The following GALNT11 variants were observed in gnomAD, a reference collection of about 807,000 sequenced individuals.
GALNT11 encodes polypeptide N-acetylgalactosaminyltransferase 11.
A neutral mutation model predicts 72.7 loss-of-function variants in GALNT11; 47 were observed. That is an observed-to-expected ratio of 0.65 (90% CI 0.51 to 0.82). The LOEUF is 0.82. Ranked by LOEUF, GALNT11 falls within the 40% of genes least tolerant of loss-of-function variation. GALNT11 has a pLI of 0.00. For synonymous variants in GALNT11, 270 were observed against 286.6 expected, an observed-to-expected ratio of 0.94 and a Z score of 0.58; for missense variants, 677 against 778.4, an observed-to-expected ratio of 0.87 and a Z score of 1.55.
intron 1 of GALNT11, among the ~76,000 whole-genome samples, chr7:152,033,389 G>A (rs780450575): frequency 5.3e-5 from 8 of 152,078 alleles, no homozygotes; most frequent in Non-Finnish European, 1.2e-4. Context: ...CTCTGATCTC[G>A]CTTTTCCTTT....
chr7:152,042,808 T>C (rs2082928516), intron 1 of GALNT11, among the ~76,000 whole-genome samples: 1 of 152,180 alleles, frequency 6.6e-6, no homozygotes, highest in African/African-American at 2.4e-5. Flanking sequence ...TCCCAGGTTG[T>C]CCATCGGGCC....
At chr7:152,053,151 T>C (rs1271696794) in intron 1 of GALNT11, among the ~76,000 whole-genome samples, 1 of 152,238 alleles carries the variant, frequency 6.6e-6, no homozygotes, top group Admixed American at 6.5e-5. Flanking sequence ...TCCACACAGC[T>C]GCTAGAATTT....
At chr7:152,097,774 T>A (rs1483947303) in intron 2 of GALNT11, among the ~76,000 whole-genome samples, 1 of 152,214 alleles carries the variant, frequency 6.6e-6, no homozygotes, top group South Asian at 2.1e-4. Flanking sequence ...GTAGGGTTCC[T>A]TTATGTGAAA....
chr7:152,047,867 A>G (rs748691555), intron 1 of GALNT11, among the ~76,000 whole-genome samples: 58 of 151,906 alleles, frequency 3.8e-4, no homozygotes, highest in Non-Finnish European at 6.0e-4. Flanking sequence ...CTATGACCTG[A>G]AAACTTGTTG....
Position 152,094,627 on chromosome 7 carries a change from C to A in GALNT11, c.295+105C>A. On this transcript the variant is annotated intron_variant, in intron 2 of 11. Coordinates refer to ENST00000430044, the MANE Select transcript of GALNT11 (RefSeq NM_022087.4). The surrounding 1 kb of genome is among the most constrained non-coding windows in gnomAD (Gnocchi z 4.3). ...CAGAAATGCTGCATCATTTTTTCCCCACTGATTTATTTTGTTTGTGAACTA... is the reference window on the plus strand; with the variant it reads ...CAGAAATGCTGCATCATTTTTTCCCAACTGATTTATTTTGTTTGTGAACTA... 2.3e-6 allele frequency: 3 copies of A among 1,302,084 alleles called. No individual in the cohort carries two copies. Among genetic ancestry groups the A allele is most frequent in the African/African-American group, 1.5e-5 (1 of 66,852 alleles). 80.7% of individuals were successfully genotyped at this position (1,302,084 alleles called of 1,614,324 possible). A position where few individuals can be genotyped will look rare whatever the true frequency, so the allele number is the denominator to read the frequency against.
Position 152,103,349 on chromosome 7 carries a change from C to G in GALNT11, c.586+71C>G, listed in dbSNP as rs769842959. 3.3e-6 allele frequency: 5 copies of G among 1,497,926 alleles called. No homozygotes were observed. The South Asian group carries it at 3.6e-5, about 11-fold the overall frequency. The allele number at this position is 1,497,926 out of a possible 1,614,324, so 92.8% of individuals were successfully genotyped here. On this transcript the variant is annotated intron_variant, in intron 4 of 11. Transcript: ENST00000430044. ...ACTACAGCACTGACAAACACTAACA[C>G]AGCTGAACTTTCAAGTACGTGGTAG...
rs1446687125 is a variant in GALNT11, at chr7:152,107,974, C to T, written c.713-64C>T. On this transcript the variant is annotated intron_variant, in intron 5 of 11. Transcript: ENST00000430044. ...TGTGTCAGCGCGTCATCCCATTGGACGGGTGGTTGTACCTAAATTGAGTGT... is the reference window on the plus strand; with the variant it reads ...TGTGTCAGCGCGTCATCCCATTGGATGGGTGGTTGTACCTAAATTGAGTGT... 47 of 1,544,620 alleles carry T rather than the reference C, an allele frequency of 3.0e-5. No homozygotes were observed. In the East Asian group the frequency reaches 4.8e-4, roughly 16 times the overall value.
At chr7:152,101,065 T>C (rs1027153834) in intron 3 of GALNT11, 144 bp downstream of exon 3, 1 of 1,113,080 alleles carries the variant, frequency 9.0e-7, no homozygotes, top group African/African-American at 1.6e-5. Context: ...AGATTTCCAC[T>C]TGTATTATAT....
At position 152,121,980 on chromosome 7, in the gene GALNT11, C is replaced by G; in HGVS notation, c.*303C>G. 1 of 257,868 alleles carries G rather than the reference C, an allele frequency of 3.9e-6. No individual in the cohort carries two copies. Among genetic ancestry groups the G allele is most frequent in the South Asian group, 8.8e-5 (1 of 11,322 alleles). 16.0% of individuals were successfully genotyped at this position (257,868 alleles called of 1,614,324 possible). ...GAATTTCTTGCTTATAGAGGCAAAC[C>G]ACAGTATCATTTTAACTCTAGAATT... On this transcript the variant is annotated 3_prime_UTR_variant, in exon 12 of 12. Coordinates refer to ENST00000430044, the MANE Select transcript of GALNT11 (RefSeq NM_022087.4).
intron 1 of GALNT11, among the ~76,000 whole-genome samples, chr7:152,029,853 C>T (rs1009196034): frequency 1.3e-5 from 2 of 152,322 alleles, no homozygotes; most frequent in Admixed American, 1.3e-4. Context: ...GATTTAGATC[C>T]CCTGTTAGGA....
At chr7:152,035,254 G>T (rs775285227) in intron 1 of GALNT11, among the ~76,000 whole-genome samples, 1 of 152,118 alleles carries the variant, frequency 6.6e-6, no homozygotes, top group South Asian at 2.1e-4. Flanking sequence ...TGGTGAGCCC[G>T]GGTGCCTAAA....
At chr7:152,036,273 GTC>G (rs773401718) in intron 1 of GALNT11, among the ~76,000 whole-genome samples, 1 of 151,832 alleles carries the variant, frequency 6.6e-6, no homozygotes, top group African/African-American at 2.4e-5. Context: ...CCATTATCTA[GTC>G]TCTCTCTCCG....
chr7:152,094,660 T>A lies in GALNT11; in HGVS notation c.295+138T>A. ...TATTTTGTTTGTGAACTACCTGAAG[T>A]TCTGTGGTTTCTGCAGACTCAGTGG... On this transcript the variant is annotated intron_variant, in intron 2 of 11. Coordinates refer to ENST00000430044, the MANE Select transcript of GALNT11 (RefSeq NM_022087.4). This position sits in a 1 kb window ranked among gnomAD's most constrained non-coding sequence, Gnocchi z 4.3. 1.1e-6 allele frequency: 1 copy of A among 935,792 alleles called. No homozygotes were observed. 58.0% of individuals were successfully genotyped at this position (935,792 alleles called of 1,614,324 possible).
chr7:152,093,723 C>G (rs557337058), intron 1 of GALNT11, among the ~76,000 whole-genome samples: 1 of 152,268 alleles, frequency 6.6e-6, no homozygotes, highest in Admixed American at 6.5e-5. Flanking sequence ...GCCACCACAC[C>G]TGGCCAGAGT....
At chr7:152,112,198 T>TA (rs1406100080) in intron 7 of GALNT11, among the ~76,000 whole-genome samples, 1 of 152,216 alleles carries the variant, frequency 6.6e-6, no homozygotes, top group Non-Finnish European at 1.5e-5. Context: ...TACTTGTTCA[T>TA]ATGTCCTTCT....
intron 1 of GALNT11, among the ~76,000 whole-genome samples, chr7:152,064,205 G>A (rs1010780140): frequency 2.0e-5 from 3 of 152,086 alleles, no homozygotes; most frequent in Non-Finnish European, 2.9e-5. Flanking sequence ...TCCCTTTACC[G>A]TTATGTGATG....
chr7:152,039,481 G>A (rs548792482), intron 1 of GALNT11, among the ~76,000 whole-genome samples: 1 of 152,258 alleles, frequency 6.6e-6, no homozygotes, highest in African/African-American at 2.4e-5. Context: ...TGAAGGCAGT[G>A]GTGATCACCG....
intron 1 of GALNT11, among the ~76,000 whole-genome samples, chr7:152,039,095 T>C (rs540098319): frequency 6.6e-6 from 1 of 152,342 alleles, no homozygotes; most frequent in South Asian, 2.1e-4. Flanking sequence ...TTACCATTTC[T>C]ACCATCTGAC....
chr7:152,043,726 T>C lies in GALNT11; in HGVS notation c.-39+17842T>C, dbSNP rs183747217. Among the ~76,000 whole-genome samples, 106 of 152,282 alleles carry C rather than the reference T, an allele frequency of 7.0e-4. 1 individual carries two copies. The highest frequency in any genetic ancestry group is 2.5e-3 in the African/African-American group (103 of 41,564). On this transcript the variant is annotated intron_variant, in intron 1 of 11. Transcript: ENST00000430044. The stretch of plus-strand genomic sequence containing the variant: ...ATCCGGAGGGTCAGGCTACTCTTTT[T>C]CTTCAAAATAATGAGGGGGTACAGA...
Sources: gnomAD v4.1 joint callset for allele counts (sites outside exome capture counted in the v4.1 genomes callset) on GRCh38, gnomAD v4.1.1 for gene constraint, Gnocchi (gnomAD v3.1) non-coding constraint, MANE v1.5 for transcripts, NCBI Gene and HGNC (gene_info 2026-07-23, HGNC 2026-07-21) for gene names.